NUP98: variants seen among roughly 807,000 people sequenced by gnomAD.
The protein encoded by NUP98 is nucleoporin 98 and 96 precursor.
In NUP98, 26 loss-of-function variants were observed where a neutral mutation model predicts 191.9. The ratio of observed to expected loss-of-function variants is 0.14; its 90% CI spans 0.10 to 0.19. The LOEUF (loss-of-function observed/expected upper bound fraction) is 0.19, where lower values mean the gene tolerates loss of function less well. NUP98 is among the 10% of genes least tolerant of loss of function. NUP98 has a pLI of 1.00. For missense variants in NUP98, 1,941 were observed against 2,178.8 expected, an observed-to-expected ratio of 0.89 and a Z score of 2.17; for synonymous variants, 808 against 778.4, an observed-to-expected ratio of 1.04 and a Z score of -0.63.
chr11:3,766,027 T>C (rs1022422903), intron 8 of NUP98, among the ~76,000 whole-genome samples: 1 of 152,288 alleles, frequency 6.6e-6, no homozygotes, highest in South Asian at 2.1e-4. Context: ...AATTGGTCTA[T>C]GTCTCTCCTT....
intron 10 of NUP98, among the ~76,000 whole-genome samples, chr11:3,755,992 A>C (rs1428255267): frequency 1.3e-5 from 2 of 152,180 alleles, no homozygotes; most frequent in Non-Finnish European, 2.9e-5. Flanking sequence ...AATAAAATCC[A>C]ATCAAGTAAC....
At position 3,702,486 on chromosome 11, in the gene NUP98, C is replaced by G; in HGVS notation, c.3489G>C (p.Leu1163=). 6.2e-7 allele frequency: 1 copy of G among 1,613,832 alleles called. No homozygotes were observed. Among genetic ancestry groups the G allele is most frequent in the Non-Finnish European group, 8.5e-7 (1 of 1,179,892 alleles). ...ACGGTTTAACAGCTACTGGATTGGG[C>G]AGGAATCCAAACTCCATGGAATCGG... ...QIADSMEFGF[L]PNPVAVKPLT... is the part of the protein sequence containing the mutation. Residue 1163 remains leucine (L), a synonymous_variant, in exon 23 of 33, where the codon CTG becomes CTC. Transcript: ENST00000324932.
chr11:3,734,428 T>C (rs1416864926), intron 13 of NUP98, among the ~76,000 whole-genome samples: 3 of 152,220 alleles, frequency 2.0e-5, no homozygotes, highest in Admixed American at 6.5e-5. Context: ...TTTCTGTATA[T>C]TGAGCAATTT....
At chr11:3,728,551 C>G (rs948976559) in intron 14 of NUP98, among the ~76,000 whole-genome samples, 1 of 152,052 alleles carries the variant, frequency 6.6e-6, no homozygotes. Flanking sequence ...CTGGCTAACA[C>G]AGTGAAACCC....
At position 3,686,017 on chromosome 11, in the gene NUP98, G is replaced by C. The variant is rs576782877; in HGVS notation, c.4632C>G (p.Leu1544=). 4 of 1,614,186 alleles carry C rather than the reference G, an allele frequency of 2.5e-6. No homozygotes were observed. The highest frequency in any genetic ancestry group is 1.1e-5 in the South Asian group (1 of 91,086). The change falls in exon 29 of 33, where the codon CTC becomes CTG. Residue 1544 remains leucine, a synonymous_variant. Coordinates refer to ENST00000324932, the MANE Select transcript of NUP98 (RefSeq NM_016320.5). ...GGAGGACAAAGATGGCCCACTCCCA[G>C]AGCCCCTCACTTTCAAGCTGGCCAG... is the stretch of plus-strand genomic sequence containing the variant. ...SYAGQLESEG[L]WEWAIFVLLH...
In NUP98 at chr11:3,766,689, CA is replaced by C. The variant is rs544567161; in HGVS notation, c.948+1891del. 8.1e-3 allele frequency among the ~76,000 whole-genome samples: 475 copies of C among 58,882 alleles called. 1 individual carries two copies. Among genetic ancestry groups the C allele is most frequent in the East Asian group, 0.017 (29 of 1,698 alleles). 38.6% of individuals were successfully genotyped at this position (58,882 alleles called of 152,430 possible). On this transcript the variant is annotated intron_variant, in intron 8 of 32. Transcript: ENST00000324932. ...GGGCGACAACAGTGAAACTCCGTCT[CA>C]AAAAAAAAAAAAAAAAAAAAGAGAG...
rs148092095 is a variant in NUP98 at position 3,771,823 on chromosome 11, C to A, written c.709G>T (p.Ala237Ser). ...GTGGAGGAGCTGAAGAGTCCTGTTG[C>A]GCTGGAAGTGGCTGGAGAAGACCCA... ...LFGSSPATSS[A>S]TGLFSSSTTN... Residue 237 changes from alanine (A) to serine (S), a missense_variant, in exon 7 of 33, where the codon GCA becomes TCA. By Grantham distance (99) the Ala-to-Ser change is moderately conservative (BLOSUM62 1). Coordinates refer to ENST00000324932, the MANE Select transcript of NUP98 (RefSeq NM_016320.5). The A allele has an allele frequency of 1.2e-6, 2 of 1,614,142 alleles. No individual in the cohort carries two copies. The highest frequency in any genetic ancestry group is 1.1e-5 in the South Asian group (1 of 91,082).
intron 27 of NUP98, 197 bp downstream of exon 27, chr11:3,693,035 C>G (rs2078367735): frequency 1.9e-6 from 1 of 536,512 alleles, no homozygotes; most frequent in Admixed American, 3.4e-5. Flanking sequence ...GATTTAGAGG[C>G]AGGAAAACAG....
At chr11:3,735,804 AAAT>A (rs1298597417) in intron 12 of NUP98, among the ~76,000 whole-genome samples, 1 of 143,120 alleles carries the variant, frequency 7.0e-6, no homozygotes, top group East Asian at 2.2e-4. Flanking sequence ...TGTCTAAAGG[AAAT>A]AATATGACAG....
chr11:3,737,282 A>G (rs1342926679), intron 12 of NUP98, among the ~76,000 whole-genome samples: 1 of 151,028 alleles, frequency 6.6e-6, no homozygotes, highest in Non-Finnish European at 1.5e-5. Context: ...AAGTCTCACA[A>G]TGTTGTGGGG....
intron 12 of NUP98, among the ~76,000 whole-genome samples, chr11:3,736,030 T>C (rs1202811714): frequency 1.4e-5 from 2 of 148,120 alleles, no homozygotes; most frequent in African/African-American, 2.5e-5. Flanking sequence ...GACTCCCAAG[T>C]AGCTGGGACT....
In NUP98 at chr11:3,782,135, G is replaced by A; in HGVS notation, c.-18C>T. The A allele has an allele frequency of 1.3e-6, 2 of 1,571,940 alleles. No individual in the cohort carries two copies. Among genetic ancestry groups the A allele is most frequent in the Non-Finnish European group, 1.7e-6 (2 of 1,147,500 alleles). ...TTAAACATCTTCAAAATGAGTCTTT[G>A]TTTCAGAAAGCTGGGAAAAAGAAAA... On this transcript the variant is annotated 5_prime_UTR_variant, in exon 2 of 33. Transcript: ENST00000324932.
chr11:3,682,299 T>A (rs1776366212), intron 30 of NUP98, among the ~76,000 whole-genome samples: 1 of 152,246 alleles, frequency 6.6e-6, no homozygotes, highest in Non-Finnish European at 1.5e-5. Context: ...TCAAGAACTT[T>A]CCTTTAACAC....
In NUP98 at chr11:3,768,722, A is replaced by G. The variant is rs748359244; in HGVS notation, c.807T>C (p.Asn269=). The G allele has an allele frequency of 6.3e-7, 1 of 1,587,232 alleles. No individual in the cohort carries two copies. ...TCTGTTGGCCAAAGAGACCACCTGGATTTGTTCCAAATCCAGTTGTACCTT... is the reference window on the plus strand; with the variant it reads ...TCTGTTGGCCAAAGAGACCACCTGGGTTTGTTCCAAATCCAGTTGTACCTT... ...FGTSTTGFGT[N]PGGLFGQQNQ... Residue 269 remains asparagine, a synonymous_variant, in exon 8 of 33, where the codon AAT becomes AAC. Transcript: ENST00000324932.
In NUP98 at chr11:3,676,347, G is replaced by C; in HGVS notation, c.5215C>G (p.Arg1739Gly). Residue 1739 changes from arginine to glycine, a missense_variant, in exon 33 of 33, where the codon CGC (arginine) becomes GGC (glycine). Arg to Gly is a moderately radical substitution (Grantham distance 125, BLOSUM62 -2). Coordinates refer to ENST00000324932, the MANE Select transcript of NUP98 (RefSeq NM_016320.5). ...GGATGATGCAGACTCAGCACCACGC[G>C]CAGCAGGTTGGCTACACGTTTGGCC... is the stretch of plus-strand genomic sequence containing the variant. Reference protein sequence around the residue: ...DMAKRVANLLRVVLSLHHPPD... With the variant: ...DMAKRVANLLGVVLSLHHPPD... 2 of 1,613,894 alleles carry C rather than the reference G, an allele frequency of 1.2e-6. No individual in the cohort carries two copies. The highest frequency in any genetic ancestry group is 2.2e-5 in the East Asian group (1 of 44,894).
chr11:3,773,579 A>G (rs959662617), intron 6 of NUP98, 53 bp downstream of exon 6: 3 of 1,139,740 alleles, frequency 2.6e-6, no homozygotes, highest in Non-Finnish European at 3.8e-6. Context: ...TAAAAGCTGC[A>G]TTCCAATAAA....
At chr11:3,688,130 C>T (rs927714633) in intron 28 of NUP98, among the ~76,000 whole-genome samples, 1 of 138,614 alleles carries the variant, frequency 7.2e-6, no homozygotes, top group African/African-American at 2.7e-5. Flanking sequence ...TTTGGCCGGG[C>T]ACGGTGGCTC....
intron 13 of NUP98, among the ~76,000 whole-genome samples, chr11:3,733,539 T>C (rs1589832785): frequency 6.6e-6 from 1 of 152,272 alleles, no homozygotes; most frequent in East Asian, 1.9e-4. Context: ...CTTGAACTCC[T>C]GAACTCAGGT....
At chr11:3,783,608 A>G (rs905058098) in intron 1 of NUP98, among the ~76,000 whole-genome samples, 4 of 152,198 alleles carry the variant, frequency 2.6e-5, no homozygotes, top group African/African-American at 9.6e-5. Flanking sequence ...CTGAGGCAGG[A>G]GAACTGCTTG....
Sources: gnomAD v4.1 joint callset for allele counts (sites outside exome capture counted in the v4.1 genomes callset) on GRCh38, gnomAD v4.1.1 for gene constraint, MANE v1.5 for transcripts, NCBI Gene and HGNC (gene_info 2026-07-23, HGNC 2026-07-21) for gene names.